Variants in XRCC4 observed in about 807,000 individuals in gnomAD.
The protein encoded by XRCC4 is DNA repair protein XRCC4.
Under a neutral mutation model 39.1 loss-of-function variants are expected in XRCC4, and 28 were observed. The observed-to-expected ratio is 0.72, with a 90% confidence interval of 0.53 to 0.98. The LOEUF is 0.98. Among genes scored for constraint, XRCC4 ranks in the 50% least tolerant of loss-of-function variants. XRCC4 has a pLI of 0.00. For missense variants in XRCC4, 350 were observed against 376.4 expected, an observed-to-expected ratio of 0.93 and a Z score of 0.58; for synonymous variants, 123 against 126.4, an observed-to-expected ratio of 0.97 and a Z score of 0.18.
intron 7 of XRCC4, among the ~76,000 whole-genome samples, chr5:83,285,754 A>G (rs1754712570): frequency 6.6e-6 from 1 of 152,112 alleles, no homozygotes; most frequent in Non-Finnish European, 1.5e-5. Context: ...AAAGTAATAA[A>G]TTCAGTTGAA....
At chr5:83,144,926 C>T (rs1748378477) in intron 3 of XRCC4, among the ~76,000 whole-genome samples, 1 of 152,114 alleles carries the variant, frequency 6.6e-6, no homozygotes, top group South Asian at 2.1e-4. Flanking sequence ...GACGGAGTCT[C>T]ACTCTGTTGC....
At chr5:83,227,672 C>G (rs1430638789) in intron 6 of XRCC4, among the ~76,000 whole-genome samples, 8 of 151,974 alleles carry the variant, frequency 5.3e-5, no homozygotes, top group Admixed American at 5.2e-4. Flanking sequence ...ATTTTATTAT[C>G]TCACATAACA....
At chr5:83,195,670 T>G (rs1047907133) in intron 3 of XRCC4, 100 bp from the exon 4 acceptor site, 17 of 1,167,872 alleles carry the variant, frequency 1.5e-5, no homozygotes, top group Non-Finnish European at 1.8e-5. Flanking sequence ...TAAATCCTTC[T>G]TACACTTTTT....
At chr5:83,193,110 T>C (rs972701508) in intron 3 of XRCC4, among the ~76,000 whole-genome samples, 1 of 152,164 alleles carries the variant, frequency 6.6e-6, no homozygotes, top group African/African-American at 2.4e-5. Flanking sequence ...TCTCAACTCA[T>C]TAAGCCTGAT....
Position 83,241,116 on chromosome 5 carries a change from A to T in XRCC4, c.746-17414A>T, listed in dbSNP as rs537454735. ...CAAGGCGTGGTGGCACACACCTGTA[A>T]TGCCAGCTACTTGAAGTAGGAGGCT... On this transcript the variant is annotated intron_variant, in intron 6 of 7. Coordinates refer to ENST00000396027, the MANE Select transcript of XRCC4 (RefSeq NM_003401.5). Among the ~76,000 whole-genome samples, 5 of 152,112 alleles carry T rather than the reference A, an allele frequency of 3.3e-5. No homozygotes were observed. In the East Asian group the frequency reaches 9.7e-4, roughly 29 times the overall value.
downstream of XRCC4, chr5:83,356,722 T>C (rs925126431): frequency 2.9e-5 from 13 of 454,434 alleles, no homozygotes; most frequent in Non-Finnish European, 4.9e-5. Flanking sequence ...TTTTTTTAAT[T>C]GTCTATACTC....
chr5:83,368,497 C>A, the XRCC4 span, among the ~76,000 whole-genome samples: 1 of 152,152 alleles, frequency 6.6e-6, no homozygotes, highest in Non-Finnish European at 1.5e-5. Flanking sequence ...GACTAACTAA[C>A]CGCTCTCCCA....
chr5:83,182,572 G>A (rs937413729), intron 3 of XRCC4, among the ~76,000 whole-genome samples: 6 of 152,064 alleles, frequency 3.9e-5, no homozygotes, highest in Admixed American at 3.9e-4. Flanking sequence ...TCTTTCTTTT[G>A]TACTGAATTC....
chr5:83,112,326 C>T (rs1178318799), intron 3 of XRCC4, among the ~76,000 whole-genome samples: 1 of 152,178 alleles, frequency 6.6e-6, no homozygotes, highest in Non-Finnish European at 1.5e-5. Flanking sequence ...TACAGAAGTG[C>T]AGACTCTTCT....
chr5:83,305,272 C>T (rs1755440902), intron 7 of XRCC4, among the ~76,000 whole-genome samples: 1 of 151,478 alleles, frequency 6.6e-6, no homozygotes, highest in Non-Finnish European at 1.5e-5. Context: ...TAACTAAAGC[C>T]CACAGTAACT....
intron 3 of XRCC4, among the ~76,000 whole-genome samples, chr5:83,146,845 C>T (rs924104823): frequency 1.3e-5 from 2 of 151,978 alleles, no homozygotes; most frequent in East Asian, 1.9e-4. Flanking sequence ...GAATTTAAGG[C>T]GATTAGGTTT....
chr5:83,358,561 G>C (rs778583335), downstream of XRCC4, among the ~76,000 whole-genome samples: 19 of 152,114 alleles, frequency 1.2e-4, no homozygotes, highest in Admixed American at 2.6e-4. Flanking sequence ...CTGCAGGGAA[G>C]TAAAGAGAGA....
intron 3 of XRCC4, among the ~76,000 whole-genome samples, chr5:83,138,787 C>T (rs1379409804): frequency 5.3e-5 from 8 of 152,010 alleles, no homozygotes. Flanking sequence ...GATTCAACAG[C>T]AGTTCAGTAG....
chr5:83,231,224 G>C (rs1752483813), intron 6 of XRCC4, among the ~76,000 whole-genome samples: 1 of 151,908 alleles, frequency 6.6e-6, no homozygotes, highest in South Asian at 2.1e-4. Flanking sequence ...GAAAGTATTT[G>C]CATCCTATGG....
intron 7 of XRCC4, among the ~76,000 whole-genome samples, chr5:83,273,838 A>G (rs1165485485): frequency 6.6e-6 from 1 of 151,538 alleles, no homozygotes; most frequent in Admixed American, 6.6e-5. Context: ...TATAGTTTGC[A>G]GTCAGGTAGC....
At chr5:83,130,656 T>A (rs887115874) in intron 3 of XRCC4, among the ~76,000 whole-genome samples, 6 of 152,186 alleles carry the variant, frequency 3.9e-5, no homozygotes, top group African/African-American at 1.4e-4. Context: ...AACCTGTTAT[T>A]GGTCTATTCA....
intron 3 of XRCC4, among the ~76,000 whole-genome samples, chr5:83,120,099 A>G (rs1340481260): frequency 6.6e-6 from 1 of 152,084 alleles, no homozygotes; most frequent in Non-Finnish European, 1.5e-5. Context: ...GTAAAAGGAC[A>G]TTTCAATTTA....
At chr5:83,133,642 T>C (rs1747723250) in intron 3 of XRCC4, among the ~76,000 whole-genome samples, 1 of 152,156 alleles carries the variant, frequency 6.6e-6, no homozygotes, top group Non-Finnish European at 1.5e-5. Context: ...CTCAGATTGC[T>C]GTTCTAGCAG....
At chr5:83,105,819 A>G (rs1200938391) in intron 2 of XRCC4, among the ~76,000 whole-genome samples, 1 of 152,136 alleles carries the variant, frequency 6.6e-6, no homozygotes, top group Non-Finnish European at 1.5e-5. Context: ...TAATTTTTAC[A>G]TGTTAATTTA....
Sources: allele counts gnomAD v4.1 joint callset (sites outside exome capture counted in the v4.1 genomes callset), GRCh38; gene constraint gnomAD v4.1.1; transcripts MANE v1.5; gene names NCBI Gene and HGNC (gene_info 2026-07-23, HGNC 2026-07-21).